NEDD4L: variants seen among roughly 807,000 people sequenced by gnomAD.
NEDD4L encodes the protein NEDD4 like E3 ubiquitin protein ligase.
Under a neutral mutation model 148.9 loss-of-function variants are expected in NEDD4L, and 54 were observed. That is an observed-to-expected ratio of 0.36 (90% CI 0.29 to 0.45). The LOEUF (loss-of-function observed/expected upper bound fraction) is 0.45. Among genes scored for constraint, NEDD4L ranks in the 20% least tolerant of loss-of-function variants. The pLI is 1.00. For synonymous variants in NEDD4L, 433 were observed against 440.7 expected (o/e 0.98, Z 0.22); for missense variants, 856 against 1,233.8 (o/e 0.69, Z 4.59).
chr18:58,278,695 C>A (rs1346514087), intron 5 of NEDD4L, among the ~76,000 whole-genome samples: 2 of 152,100 alleles, frequency 1.3e-5, no homozygotes, highest in Non-Finnish European at 2.9e-5. Context: ...CATGTACAGG[C>A]CTTCAGCCCC....
chr18:58,295,893 C>T (rs891871404), intron 5 of NEDD4L, among the ~76,000 whole-genome samples: 1 of 151,654 alleles, frequency 6.6e-6, no homozygotes, highest in Non-Finnish European at 1.5e-5. Flanking sequence ...TGGTTAGGGG[C>T]GACAGTTGTT....
At chr18:58,186,640 G>C (rs1353203968) in intron 2 of NEDD4L, among the ~76,000 whole-genome samples, 2 of 152,196 alleles carry the variant, frequency 1.3e-5, no homozygotes, top group Non-Finnish European at 2.9e-5. Context: ...TAGGAGGTAA[G>C]GATTATTATT....
At chr18:58,269,554 A>T (rs978854282) in intron 5 of NEDD4L, among the ~76,000 whole-genome samples, 1 of 152,052 alleles carries the variant, frequency 6.6e-6, no homozygotes, top group African/African-American at 2.4e-5. Flanking sequence ...GATAAAAAGA[A>T]TTTCACTGAT....
At chr18:58,255,026 C>A (rs1462755781) in intron 5 of NEDD4L, among the ~76,000 whole-genome samples, 1 of 152,132 alleles carries the variant, frequency 6.6e-6, no homozygotes, top group Admixed American at 6.5e-5. Context: ...AGGGGTTTAC[C>A]CGGTGGCCAA....
In NEDD4L at chr18:58,325,229, C is replaced by T. The variant is rs1161088438; in HGVS notation, c.680+67C>T. The stretch of plus-strand genomic sequence containing the variant: ...GCACAGCTAGGGACAAATATGGCGG[C>T]CCTTTGGGACAAGGCTGGGAAATAA... On this transcript the variant is annotated intron_variant, in intron 9 of 30. Coordinates refer to ENST00000400345, the MANE Select transcript of NEDD4L (RefSeq NM_001144967.3). The T allele has an allele frequency of 3.6e-5, 57 of 1,564,312 alleles. 1 individual carries two copies. The highest frequency in any genetic ancestry group is 2.4e-5 in the Non-Finnish European group (27 of 1,142,274).
chr18:58,162,411 C>T (rs759149396), intron 1 of NEDD4L, among the ~76,000 whole-genome samples: 4 of 152,056 alleles, frequency 2.6e-5, no homozygotes, highest in Admixed American at 6.6e-5. Context: ...TGCCGCACCA[C>T]TCAGCCTTCT....
chr18:58,164,708 A>G (rs2036631193), intron 1 of NEDD4L, among the ~76,000 whole-genome samples: 2 of 152,176 alleles, frequency 1.3e-5, no homozygotes, highest in Admixed American at 6.5e-5. Context: ...TGTCCTCGTG[A>G]TCCGCCTGCC....
intron 1 of NEDD4L, among the ~76,000 whole-genome samples, chr18:58,056,448 G>A (rs4591235): frequency 0.75 from 113,442 of 151,888 alleles, 42,839 homozygotes; most frequent in East Asian, 0.98. Context: ...CTAGACAGTA[G>A]GGAAATGGGC....
At chr18:58,361,975 A>T (rs2045548737) in intron 19 of NEDD4L, among the ~76,000 whole-genome samples, 1 of 152,204 alleles carries the variant, frequency 6.6e-6, no homozygotes, top group Non-Finnish European at 1.5e-5. Context: ...TTTCAGGAAG[A>T]GAATGTAAAA....
chr18:58,081,806 A>G (rs574950685), intron 1 of NEDD4L, among the ~76,000 whole-genome samples: 1 of 152,062 alleles, frequency 6.6e-6, no homozygotes, highest in African/African-American at 2.4e-5. Context: ...TCTGTGCTGA[A>G]CTTTCTGGTT....
chr18:58,264,287 G>A (rs1244801022), intron 5 of NEDD4L, among the ~76,000 whole-genome samples: 3 of 151,970 alleles, frequency 2.0e-5, no homozygotes, highest in Non-Finnish European at 2.9e-5. Context: ...GTGTGCCTCC[G>A]GCCTGCTTGC....
chr18:58,191,227 T>C (rs1013703963), intron 2 of NEDD4L, among the ~76,000 whole-genome samples: 4 of 152,236 alleles, frequency 2.6e-5, no homozygotes, highest in Admixed American at 2.0e-4. Flanking sequence ...GATTTTTAAT[T>C]GCCATTTGTA....
intron 11 of NEDD4L, among the ~76,000 whole-genome samples, chr18:58,333,270 T>G (rs918753298): frequency 6.9e-6 from 1 of 144,468 alleles, no homozygotes; most frequent in Non-Finnish European, 1.5e-5. Flanking sequence ...AGAACAAGAC[T>G]CTATATTTAA....
At position 58,396,464 on chromosome 18, in the gene NEDD4L, C is replaced by T; in HGVS notation, c.*195C>T. ...CAGCTTGAGTTCCTGCCTTTCCCAC[C>T]ACAAATTATCAACTGGTTGATGTGT... On this transcript the variant is annotated 3_prime_UTR_variant, in exon 31 of 31. Transcript: ENST00000400345. 2.0e-6 allele frequency: 1 copy of T among 507,604 alleles called. No homozygotes were observed. The highest frequency in any genetic ancestry group is 3.6e-6 in the Non-Finnish European group (1 of 279,434). The allele number at this position is 507,604 out of a possible 1,614,324, so 31.4% of individuals were successfully genotyped here.
chr18:58,160,208 T>C (rs1338461215), intron 1 of NEDD4L, among the ~76,000 whole-genome samples: 3 of 152,256 alleles, frequency 2.0e-5, no homozygotes, highest in Non-Finnish European at 4.4e-5. Flanking sequence ...TAACTGCTTA[T>C]GCACAGTTTA....
At chr18:58,061,362 T>C (rs2082324640) in intron 1 of NEDD4L, among the ~76,000 whole-genome samples, 1 of 152,174 alleles carries the variant, frequency 6.6e-6, no homozygotes. Context: ...AGCTAGTAAG[T>C]GTTAGAGCCA....
At chr18:58,150,381 T>G (rs948323658) in intron 1 of NEDD4L, among the ~76,000 whole-genome samples, 3 of 152,202 alleles carry the variant, frequency 2.0e-5, no homozygotes, top group African/African-American at 7.2e-5. Context: ...ACTACAGGCA[T>G]GCGCCACCAC....
At chr18:58,243,355 G>A (rs886099531) in intron 2 of NEDD4L, among the ~76,000 whole-genome samples, 1 of 152,150 alleles carries the variant, frequency 6.6e-6, no homozygotes, top group African/African-American at 2.4e-5. Flanking sequence ...AATAGATTGT[G>A]GCTGGAAATT....
intron 2 of NEDD4L, among the ~76,000 whole-genome samples, chr18:58,209,808 T>C (rs530605211): frequency 6.6e-6 from 1 of 152,144 alleles, no homozygotes; most frequent in South Asian, 2.1e-4. Context: ...AAATGACCAA[T>C]AAAGTAAACT....
Sources: allele counts gnomAD v4.1 joint callset (sites outside exome capture counted in the v4.1 genomes callset), GRCh38; gene constraint gnomAD v4.1.1; transcripts MANE v1.5; gene names NCBI Gene and HGNC (gene_info 2026-07-23, HGNC 2026-07-21).